Variants in ESRP1 observed in about 807,000 individuals in gnomAD.
The protein encoded by ESRP1 is epithelial splicing regulatory protein 1.
In ESRP1, 33 loss-of-function variants were observed where a neutral mutation model predicts 81.7. The ratio of observed to expected loss-of-function variants is 0.40; its 90% CI spans 0.31 to 0.54. The LOEUF is 0.54. Among genes scored for constraint, ESRP1 ranks in the 20% least tolerant of loss-of-function variants. The pLI is 0.41. For missense variants in ESRP1, 672 were observed against 833.1 expected (o/e 0.81, Z 2.38); for synonymous variants, 320 against 303.3 (o/e 1.06, Z -0.57).
intron 13 of ESRP1, chr8:94,688,405 A>G: frequency 3.6e-6 from 1 of 278,334 alleles, no homozygotes; most frequent in East Asian, 1.0e-4. Flanking sequence ...GAGCTGGGGA[A>G]ATTGTTGTGA....
chr8:94,691,847 AATTAT>A (rs1249290098), intron 13 of ESRP1, among the ~76,000 whole-genome samples: 1 of 152,164 alleles, frequency 6.6e-6, no homozygotes, highest in Non-Finnish European at 1.5e-5. Flanking sequence ...TATGAGTTTT[AATTAT>A]ATTAAACTAT....
In ESRP1 at chr8:94,655,068, TG is replaced by T. The variant is rs879863118; in HGVS notation, c.491-7203del. Among the ~76,000 whole-genome samples the T allele has an allele frequency of 5.2e-3, 754 of 146,066 alleles. 34 individuals carry two copies. The highest frequency in any genetic ancestry group is 0.047 in the Admixed American group (691 of 14,726). ...TCTGTGAGGTTTTTTGGGTTTTTTG[TG>T]TGTGTGTGTGTGTGTGTGTTTTGTT... On this transcript the variant is annotated intron_variant, in intron 4 of 15. Coordinates refer to ENST00000433389, the MANE Select transcript of ESRP1 (RefSeq NM_017697.4).
intron 3 of ESRP1, among the ~76,000 whole-genome samples, chr8:94,644,491 G>C (rs568745280): frequency 6.6e-6 from 1 of 152,236 alleles, no homozygotes; most frequent in Admixed American, 6.5e-5. Context: ...ACGAGTCTTA[G>C]TAATTATTTG....
chr8:94,705,879 G>A (rs758117129), intron 15 of ESRP1, 46 bp from the exon 16 acceptor site: 2 of 1,449,978 alleles, frequency 1.4e-6, no homozygotes, highest in South Asian at 2.6e-5. Flanking sequence ...GACATTTAGA[G>A]ACTATAACAT....
intron 10 of ESRP1, 47 bp downstream of exon 10, chr8:94,668,297 T>C: frequency 1.3e-6 from 2 of 1,483,414 alleles, no homozygotes; most frequent in Non-Finnish European, 1.8e-6. Context: ...TAATTTCTGT[T>C]CTTTATCTCT....
intron 10 of ESRP1, among the ~76,000 whole-genome samples, chr8:94,671,148 G>A (rs1427701276): frequency 1.3e-5 from 2 of 152,200 alleles, no homozygotes; most frequent in African/African-American, 4.8e-5. Context: ...CATTGTTACA[G>A]GTAGACACTA....
intron 13 of ESRP1, among the ~76,000 whole-genome samples, chr8:94,688,017 A>C (rs564740228): frequency 6.6e-6 from 1 of 152,268 alleles, no homozygotes; most frequent in South Asian, 2.1e-4. Context: ...TTTAGCTCTT[A>C]GATTTAGGTA....
chr8:94,653,514 C>T (rs767083511), intron 4 of ESRP1, among the ~76,000 whole-genome samples: 1 of 152,134 alleles, frequency 6.6e-6, no homozygotes, highest in Non-Finnish European at 1.5e-5. Flanking sequence ...TCGGGTGTCT[C>T]AGAACAGGAA....
intron 15 of ESRP1, among the ~76,000 whole-genome samples, chr8:94,703,105 A>AT (rs1491529176): frequency 0.024 from 1,821 of 77,292 alleles, 35 homozygotes; most frequent in African/African-American, 0.097. Flanking sequence ...TCTGAGATTG[A>AT]TTGTTTTTTT....
chr8:94,657,969 G>A (rs955493293), intron 4 of ESRP1, among the ~76,000 whole-genome samples: 1 of 152,090 alleles, frequency 6.6e-6, no homozygotes, highest in South Asian at 2.1e-4. Flanking sequence ...GGAGTGCAGC[G>A]GCCATGATCT....
chr8:94,678,496 T>A (rs1563537869), intron 13 of ESRP1, 125 bp downstream of exon 13: 1 of 1,107,076 alleles, frequency 9.0e-7, no homozygotes, highest in Non-Finnish European at 1.3e-6. Flanking sequence ...CCACAGCCTC[T>A]GGTCATATCT....
At chr8:94,664,120 CTTTTTTTT>C (rs755384250) in intron 6 of ESRP1, among the ~76,000 whole-genome samples, 1 of 98,534 alleles carries the variant, frequency 1.0e-5, no homozygotes, top group Non-Finnish European at 2.1e-5. Context: ...ATTTCCTCAG[CTTTTTTTT>C]TTTTTTTTTT....
chr8:94,696,800 T>C, intron 14 of ESRP1, 52 bp from the exon 15 acceptor site: 4 of 1,344,330 alleles, frequency 3.0e-6, no homozygotes, highest in Non-Finnish European at 3.1e-6. Context: ...ATATTATCCA[T>C]AGTGACAGTT....
intron 15 of ESRP1, among the ~76,000 whole-genome samples, chr8:94,699,712 C>T (rs1389881310): frequency 6.6e-6 from 1 of 152,110 alleles, no homozygotes; most frequent in African/African-American, 2.4e-5. Context: ...ATCTTACCAA[C>T]TCTAGGAGAT....
chr8:94,643,246 T>C lies in ESRP1; in HGVS notation c.262-57T>C, dbSNP rs113585322. The C allele has an allele frequency of 1.2e-5, 15 of 1,217,966 alleles. No individual in the cohort carries two copies. In the African/African-American group the frequency reaches 2.1e-4, roughly 17 times the overall value. 75.4% of individuals were successfully genotyped at this position (1,217,966 alleles called of 1,614,324 possible). A position where few individuals can be genotyped will look rare whatever the true frequency, so the allele number is the denominator to read the frequency against. On this transcript the variant is annotated intron_variant, in intron 2 of 15. Transcript: ENST00000433389. ...TGGCTATCACCAAGGGGAGCTACTT[T>C]GCAGAGTTTGTAAATCGTGCATCAG...
At position 94,662,355 on chromosome 8, in the gene ESRP1, A is replaced by G; in HGVS notation, c.574A>G (p.Ile192Val). The G allele has an allele frequency of 6.3e-7, 1 of 1,578,996 alleles. No homozygotes were observed. Among genetic ancestry groups the G allele is most frequent in the Non-Finnish European group, 8.6e-7 (1 of 1,160,258 alleles). ...EDMGNIILAM[I>V]SEPYNHRFSD... ...TATGGGGAATATAATTTTAGCAATG[A>G]TTTCAGAGCCTTATAGTAAGTATTG... Residue 192 changes from isoleucine (I) to valine (V), a missense_variant, in exon 5 of 16, where the codon ATT (isoleucine) becomes GTT (valine). Physicochemically the swap from Ile to Val is conservative, Grantham distance 29. Coordinates refer to ENST00000433389, the MANE Select transcript of ESRP1 (RefSeq NM_017697.4).
chr8:94,701,685 GTC>G (rs1271668177), intron 15 of ESRP1, among the ~76,000 whole-genome samples: 3 of 151,576 alleles, frequency 2.0e-5, no homozygotes, highest in Non-Finnish European at 4.4e-5. Context: ...GGTTCAAGCT[GTC>G]TCTCTGCCAC....
At chr8:94,704,726 A>G (rs1208067489) in intron 15 of ESRP1, among the ~76,000 whole-genome samples, 2 of 141,456 alleles carry the variant, frequency 1.4e-5, no homozygotes, top group Non-Finnish European at 3.0e-5. Context: ...TCACCACTGT[A>G]CTCCAGCCTG....
In ESRP1 at chr8:94,679,588, A is replaced by G. The variant is rs117717593; in HGVS notation, c.1820+1217A>G. Among the ~76,000 whole-genome samples, 21 of 152,314 alleles carry G rather than the reference A, an allele frequency of 1.4e-4. No homozygotes were observed. The East Asian group carries it at 3.7e-3, about 27-fold the overall frequency. On this transcript the variant is annotated intron_variant, in intron 13 of 15. Transcript: ENST00000433389. The stretch of plus-strand genomic sequence containing the variant: ...TGAGACCATGAATCTTGAAGCCCCA[A>G]AGGCAGAAGGAACTGACATTTATGG...
Sources: allele counts gnomAD v4.1 joint callset (sites outside exome capture counted in the v4.1 genomes callset), GRCh38; gene constraint gnomAD v4.1.1; transcripts MANE v1.5; gene names NCBI Gene and HGNC (gene_info 2026-07-23, HGNC 2026-07-21).